The following NFIB variants were observed in gnomAD, a reference collection of about 807,000 sequenced individuals.
The protein encoded by NFIB is nuclear factor I B.
NFIB carries 11 observed loss-of-function variants against 61.5 expected under a neutral mutation model. That is an observed-to-expected ratio of 0.18 (90% CI 0.11 to 0.30). NFIB has a LOEUF of 0.30. Ranked by LOEUF, NFIB falls within the 10% of genes least tolerant of loss-of-function variation. The pLI is 1.00. For missense variants in NFIB, 471 were observed against 608.9 expected (o/e 0.77, Z 2.38); for synonymous variants, 260 against 216.5 (o/e 1.20, Z -1.76).
At chr9:14,405,810 G>C in the NFIB span, among the ~76,000 whole-genome samples, 5 of 152,176 alleles carry the variant, frequency 3.3e-5, no homozygotes, top group South Asian at 2.1e-4. Context: ...AGCCCCGATG[G>C]GTTCAATACA....
chr9:14,206,503 T>C (rs148855742), intron 2 of NFIB, among the ~76,000 whole-genome samples: 37 of 152,080 alleles, frequency 2.4e-4, no homozygotes, highest in Admixed American at 7.2e-4. Context: ...CTAATTTCTT[T>C]CCTTTCATGA....
intron 6 of NFIB, 150 bp downstream of exon 6, chr9:14,146,539 C>T (rs905536312): frequency 2.6e-6 from 3 of 1,173,046 alleles, no homozygotes; most frequent in East Asian, 5.2e-5. Context: ...ATTTGACTAA[C>T]ATTATCTCAA....
At chr9:14,393,990 G>C (rs1163262282) in intron 1 of NFIB, among the ~76,000 whole-genome samples, 2 of 152,144 alleles carry the variant, frequency 1.3e-5, no homozygotes, top group African/African-American at 4.8e-5. Flanking sequence ...CAGACAAATA[G>C]GTAAAATAAG....
intron 2 of NFIB, among the ~76,000 whole-genome samples, chr9:14,187,065 G>GTGTGTGTGTGTGTGTGTGTA: frequency 7.6e-6 from 1 of 130,934 alleles, no homozygotes; most frequent in African/African-American, 2.8e-5. Flanking sequence ...GTGTGTGTGT[G>GTGTGTGTGTGTGTGTGTGTA]TGTGTGTGCC....
Position 14,339,974 on chromosome 9 carries a change from C to T in NFIB, c.109-32454G>A, listed in dbSNP as rs547006665. Among the ~76,000 whole-genome samples, 25 of 152,230 alleles carry T rather than the reference C, an allele frequency of 1.6e-4. No individual in the cohort carries two copies. The South Asian group carries it at 3.9e-3, about 24-fold the overall frequency. On this transcript the variant is annotated intron_variant, in intron 1 of 8. Transcript: ENST00000380934. ...GGTTTCTAAGAATTTAGGAATGCAC[C>T]GTAAGGCTGGAGTATATAGAGTTTT...
the NFIB span, among the ~76,000 whole-genome samples, chr9:14,498,817 TCCTCCCTTCCTC>T: frequency 2.5e-4 from 19 of 76,576 alleles, 1 homozygote; most frequent in African/African-American, 1.4e-3. Flanking sequence ...CTTCCTCCCT[TCCTCCCTTCCTC>T]CCTTCCTTCC....
intron 2 of NFIB, among the ~76,000 whole-genome samples, chr9:14,248,935 G>A (rs7027899): frequency 0.72 from 110,097 of 152,114 alleles, 40,880 homozygotes; most frequent in Middle Eastern, 0.86. Context: ...AACATTCCCA[G>A]TTACATCATT....
At chr9:14,184,757 C>T (rs559921305) in intron 2 of NFIB, among the ~76,000 whole-genome samples, 13 of 152,252 alleles carry the variant, frequency 8.5e-5, no homozygotes, top group South Asian at 2.1e-4. Flanking sequence ...TTTATGCTCA[C>T]GCCTGTAAAT....
At chr9:14,283,472 T>G (rs922105086) in intron 2 of NFIB, among the ~76,000 whole-genome samples, 6 of 152,244 alleles carry the variant, frequency 3.9e-5, no homozygotes, top group African/African-American at 1.4e-4. Context: ...TAATAGTTTC[T>G]GTGTAACTAA....
chr9:14,249,076 T>C (rs750961471), intron 2 of NFIB, among the ~76,000 whole-genome samples: 11 of 152,254 alleles, frequency 7.2e-5, no homozygotes, highest in South Asian at 2.1e-4. Context: ...ACAAACCAAA[T>C]AGCAGCAAGA....
intron 2 of NFIB, among the ~76,000 whole-genome samples, chr9:14,242,446 G>A (rs2132049824): frequency 1.3e-5 from 2 of 152,246 alleles, no homozygotes; most frequent in South Asian, 4.1e-4. Flanking sequence ...CTTTTTCAGG[G>A]CATCATGATC....
upstream of NFIB, chr9:14,314,730 T>TCTCTCCCCCCAC (rs2060459335): frequency 2.1e-5 from 2 of 97,290 alleles, no homozygotes; most frequent in Non-Finnish European, 3.9e-5. Flanking sequence ...TCCTTCTCCT[T>TCTCTCCCCCCAC]CTCTCCCCCC....
the NFIB span, among the ~76,000 whole-genome samples, chr9:14,467,541 C>A: frequency 6.6e-6 from 1 of 152,204 alleles, no homozygotes; most frequent in Non-Finnish European, 1.5e-5. Context: ...ATCCTTTGTC[C>A]TGGTGCTATA....
chr9:14,386,823 T>C (rs1325888536), intron 1 of NFIB, among the ~76,000 whole-genome samples: 5 of 152,196 alleles, frequency 3.3e-5, no homozygotes, highest in Non-Finnish European at 1.5e-5. Flanking sequence ...GTCCATTCCA[T>C]AGAATATCAG....
chr9:14,394,239 A>G (rs2133039670), intron 1 of NFIB, among the ~76,000 whole-genome samples: 1 of 152,372 alleles, frequency 6.6e-6, no homozygotes, highest in East Asian at 1.9e-4. Context: ...TATAAGGATA[A>G]CATAGGACAG....
intron 2 of NFIB, among the ~76,000 whole-genome samples, chr9:14,298,956 G>C (rs1414841459): frequency 6.6e-6 from 1 of 152,158 alleles, no homozygotes; most frequent in African/African-American, 2.4e-5. Context: ...ATAAAACAAG[G>C]CTTTTAACAT....
At chr9:14,263,841 T>C (rs2056988161) in intron 2 of NFIB, among the ~76,000 whole-genome samples, 1 of 152,206 alleles carries the variant, frequency 6.6e-6, no homozygotes, top group Non-Finnish European at 1.5e-5. Flanking sequence ...TCAGGGTTTG[T>C]CCTCTGCATC....
At chr9:14,147,374 C>T (rs952214762) in intron 5 of NFIB, among the ~76,000 whole-genome samples, 3 of 152,026 alleles carry the variant, frequency 2.0e-5, no homozygotes, top group Non-Finnish European at 2.9e-5. Context: ...AGTTCAAAGG[C>T]AGACGGTTGG....
chr9:14,129,038 C>T (rs1449206492), intron 6 of NFIB, among the ~76,000 whole-genome samples: 1 of 151,966 alleles, frequency 6.6e-6, no homozygotes, highest in Non-Finnish European at 1.5e-5. Context: ...CTTTTTTGGG[C>T]ATGCACCTAA....
Sources: allele counts gnomAD v4.1 joint callset (sites outside exome capture counted in the v4.1 genomes callset), GRCh38; gene constraint gnomAD v4.1.1; transcripts MANE v1.5; gene names NCBI Gene and HGNC (gene_info 2026-07-23, HGNC 2026-07-21).